The following CAPN10 variants were observed in gnomAD, a reference collection of about 807,000 sequenced individuals.
The protein encoded by CAPN10 is calpain 10.
A neutral mutation model predicts 78.4 loss-of-function variants in CAPN10; 71 were observed. That is an observed-to-expected ratio of 0.91 (90% CI 0.75 to 1.10). CAPN10 has a LOEUF of 1.10. Ranked by LOEUF, CAPN10 falls within the 50% of genes least tolerant of loss-of-function variation. The pLI, the probability that CAPN10 is intolerant of heterozygous loss-of-function variation, is 0.00. For missense variants in CAPN10, 849 were observed against 924.6 expected, an observed-to-expected ratio of 0.92 and a Z score of 1.06; for synonymous variants, 437 against 407.2, an observed-to-expected ratio of 1.07 and a Z score of -0.88.
chr2:240,590,707 G>A (rs960614352), intron 2 of CAPN10, 108 bp from the exon 3 acceptor site: 2 of 933,986 alleles, frequency 2.1e-6, no homozygotes, highest in Non-Finnish European at 3.3e-6. Flanking sequence ...TGCAGACCGC[G>A]GTGCCTGTGG....
chr2:240,594,328 C>T, intron 5 of CAPN10: 1 of 634,590 alleles, frequency 1.6e-6, no homozygotes. Flanking sequence ...TGAAGTTCCT[C>T]TGGGAAAAGA....
intron 7 of CAPN10, chr2:240,595,915 A>ATCT: frequency 7.6e-7 from 1 of 1,323,386 alleles, no homozygotes; most frequent in Non-Finnish European, 1.0e-6. Flanking sequence ...CTGGGTTTTC[A>ATCT]TCTTGTGTGT....
intron 2 of CAPN10, chr2:240,590,548 C>G: frequency 2.6e-6 from 1 of 384,312 alleles, no homozygotes; most frequent in Non-Finnish European, 4.8e-6. Context: ...TGTGCAGGCG[C>G]CGACATCCAG....
Position 240,595,194 on chromosome 2 carries a change from G to A in CAPN10, c.1168G>A (p.Ala390Thr), listed in dbSNP as rs1224521966. 6.2e-7 allele frequency: 1 copy of A among 1,613,796 alleles called. No individual in the cohort carries two copies. Among genetic ancestry groups the A allele is most frequent in the Admixed American group, 1.7e-5 (1 of 60,022 alleles). The change falls in exon 7 of 12, where the codon GCG becomes ACG. Residue 390 changes from alanine to threonine, a missense_variant. Transcript: ENST00000391984. ...AVLQRSRLHA[A>T]DWAGRARALV... ...CCTGCAGAGATCCAGGCTGCACGCG[G>A]CGGACTGGGCAGGCCGGGCCCGGGC...
At position 240,596,730 on chromosome 2, in the gene CAPN10, G is replaced by A. The variant is rs200361959; in HGVS notation, c.1531G>A (p.Ala511Thr). Residue 511 changes from alanine to threonine, a missense_variant, in exon 9 of 12, where the codon GCG becomes ACG. Transcript: ENST00000391984. ...CACCACCCCCGGGGCAGCCCTGCCT[G>A]CGGGGGAGTGGGGGACCGTGCAGCT... Reference protein sequence around the residue: ...KNTTPGAALPAGEWGTVQLRG... With the variant: ...KNTTPGAALPTGEWGTVQLRG... 1.8e-4 allele frequency: 290 copies of A among 1,590,242 alleles called. 2 individuals carry two copies. The highest frequency in any genetic ancestry group is 3.4e-4 in the Middle Eastern group (2 of 5,964).
At position 240,595,899 on chromosome 2, in the gene CAPN10, CAG is replaced by C. The variant is rs559911772; in HGVS notation, c.1279-419_1279-418del. 1.3e-4 allele frequency: 170 copies of C among 1,309,654 alleles called. No individual in the cohort carries two copies. In the East Asian group the frequency reaches 7.5e-3, roughly 58 times the overall value. 81.1% of individuals were successfully genotyped at this position (1,309,654 alleles called of 1,614,324 possible). A position where few individuals can be genotyped will look rare whatever the true frequency, so the allele number is the denominator to read the frequency against. Reference sequence around the variant, plus strand: ...GTCGAGGATATGCCGGCTGCTCGCTCAGGGGCTGGGTTTTCATCTTGTGTGTC... The same window carrying C: ...GTCGAGGATATGCCGGCTGCTCGCTCGGGCTGGGTTTTCATCTTGTGTGTC... On this transcript the variant is annotated intron_variant, in intron 7 of 11. Coordinates refer to ENST00000391984, the MANE Select transcript of CAPN10 (RefSeq NM_023083.4).
Position 240,597,909 on chromosome 2 carries a change from C to G in CAPN10, c.1765C>G (p.Gln589Glu). The change falls in exon 10 of 12, where the codon CAG (glutamine) becomes GAG (glutamate). Residue 589 changes from glutamine to glutamate, a missense_variant. Transcript: ENST00000391984. ...IFQVPEGGRS[Q>E]DAPPLLLQEP... ...TCAGGTCCCAGAGGGTGGAAGGAGC[C>G]AGGACGCACCCCCACTGCTGCTGCA... 1 of 1,607,130 alleles carries G rather than the reference C, an allele frequency of 6.2e-7. No individual in the cohort carries two copies. Among genetic ancestry groups the G allele is most frequent in the Non-Finnish European group, 8.5e-7 (1 of 1,177,726 alleles).
At chr2:240,594,784 C>A (rs1345682720) in intron 6 of CAPN10, 75 bp downstream of exon 6, 3 of 1,205,530 alleles carry the variant, frequency 2.5e-6, no homozygotes, top group Non-Finnish European at 3.2e-6. Context: ...TGCCTGGGTT[C>A]CCCCTGCCCA....
rs1422984276 is a variant in CAPN10, at chr2:240,596,736, G to A, written c.1537G>A (p.Glu513Lys). The change falls in exon 9 of 12, where the codon GAG (glutamate) becomes AAG (lysine). Residue 513 changes from glutamate (E) to lysine (K), a missense_variant. Coordinates refer to ENST00000391984, the MANE Select transcript of CAPN10 (RefSeq NM_023083.4). Reference sequence around the variant, plus strand: ...CCCCGGGGCAGCCCTGCCTGCGGGGGAGTGGGGGACCGTGCAGCTACGGGG... The same window carrying A: ...CCCCGGGGCAGCCCTGCCTGCGGGGAAGTGGGGGACCGTGCAGCTACGGGG... Reference protein sequence around the residue: ...TTPGAALPAGEWGTVQLRGSW... With the variant: ...TTPGAALPAGKWGTVQLRGSW... The A allele has an allele frequency of 1.3e-6, 2 of 1,595,228 alleles. No homozygotes were observed. Among genetic ancestry groups the A allele is most frequent in the African/African-American group, 1.3e-5 (1 of 74,782 alleles).
At position 240,595,158 on chromosome 2, in the gene CAPN10, T is replaced by C; in HGVS notation, c.1132T>C (p.Tyr378His). The change falls in exon 7 of 12, where the codon TAC becomes CAC. Residue 378 changes from tyrosine (Y) to histidine (H), a missense_variant. By Grantham distance (83) the Tyr-to-His change is moderately conservative. Transcript: ENST00000391984. ...WLRVSEPSEV[Y>H]IAVLQRSRLH... ...GCGGGTCTCAGAACCGAGTGAGGTG[T>C]ACATTGCCGTCCTGCAGAGATCCAG... 6.2e-7 allele frequency: 1 copy of C among 1,613,752 alleles called. No individual in the cohort carries two copies. The highest frequency in any genetic ancestry group is 8.5e-7 in the Non-Finnish European group (1 of 1,179,980).
In CAPN10 at chr2:240,594,675, C is replaced by T. The variant is rs17846974; in HGVS notation, c.963C>T (p.Val321=). ...EFDELTVGYP[V]TEAGHLQSLY... is the part of the protein sequence containing the mutation. Reference sequence around the variant, plus strand: ...ACGAGCTCACCGTTGGCTACCCGGTCACGGAGGCCGGCCACCTGCAGAGCC... The same window carrying T: ...ACGAGCTCACCGTTGGCTACCCGGTTACGGAGGCCGGCCACCTGCAGAGCC... Residue 321 remains valine (V), a synonymous_variant, in exon 6 of 12, where the codon GTC becomes GTT. Coordinates refer to ENST00000391984, the MANE Select transcript of CAPN10 (RefSeq NM_023083.4). 2,173 of 1,613,178 alleles carry T rather than the reference C, an allele frequency of 1.3e-3. 18 individuals carry two copies. The East Asian group carries it at 0.031, about 23-fold the overall frequency.
rs369756768 is a variant in CAPN10 at position 240,597,908 on chromosome 2, C to G, written c.1764C>G (p.Ser588Arg). 6.2e-7 allele frequency: 1 copy of G among 1,606,300 alleles called. No individual in the cohort carries two copies. Among genetic ancestry groups the G allele is most frequent in the Non-Finnish European group, 8.5e-7 (1 of 1,177,396 alleles). ...HIFQVPEGGR[S>R]QDAPPLLLQE... ...CTCAGGTCCCAGAGGGTGGAAGGAG[C>G]CAGGACGCACCCCCACTGCTGCTGC... Residue 588 changes from serine (S) to arginine (R), a missense_variant, in exon 10 of 12, where the codon AGC becomes AGG. Coordinates refer to ENST00000391984, the MANE Select transcript of CAPN10 (RefSeq NM_023083.4).
chr2:240,598,512 T>C, intron 11 of CAPN10, 115 bp downstream of exon 11: 5 of 1,460,842 alleles, frequency 3.4e-6, no homozygotes, highest in Non-Finnish European at 4.7e-6. Context: ...TGCCCTTGAC[T>C]CTTCCTGTGA....
chr2:240,586,942 A>C lies in CAPN10; in HGVS notation c.31A>C (p.Arg11=). The C allele has an allele frequency of 6.8e-7, 1 of 1,460,832 alleles. No individual in the cohort carries two copies. 90.5% of individuals were successfully genotyped at this position (1,460,832 alleles called of 1,614,324 possible). A position where few individuals can be genotyped will look rare whatever the true frequency, so the allele number is the denominator to read the frequency against. The change falls in exon 1 of 12, where the codon AGG becomes CGG. Residue 11 remains arginine, a synonymous_variant. Coordinates refer to ENST00000391984, the MANE Select transcript of CAPN10 (RefSeq NM_023083.4). MRAGRGATPA[R]ELFRDAAFPA... ...GGCGGGCCGGGGCGCGACGCCGGCG[A>C]GGGAGCTGTTCCGGGACGCCGCCTT... is the stretch of plus-strand genomic sequence containing the variant.
At chr2:240,588,780 G>C (rs1418948823) in intron 1 of CAPN10, among the ~76,000 whole-genome samples, 1 of 152,072 alleles carries the variant, frequency 6.6e-6, no homozygotes, top group Non-Finnish European at 1.5e-5. Context: ...ATGTCTTAAA[G>C]AACATGGGGG....
At chr2:240,593,544 T>G (rs1369655300) in intron 4 of CAPN10, among the ~76,000 whole-genome samples, 4 of 152,222 alleles carry the variant, frequency 2.6e-5, no homozygotes, top group African/African-American at 9.6e-5. Context: ...TCTCTAGATT[T>G]CTGGCAGTTG....
chr2:240,596,698 C>G lies in CAPN10; in HGVS notation c.1499C>G (p.Ala500Gly), dbSNP rs945698867. Residue 500 changes from alanine to glycine, a missense_variant, in exon 9 of 12, where the codon GCC becomes GGC. Coordinates refer to ENST00000391984, the MANE Select transcript of CAPN10 (RefSeq NM_023083.4). ...CTTGGCAGCGCCATCAGGGCAGTGG[C>G]CAAGAACACCACCCCCGGGGCAGCC... ...RVSLSAIRAV[A>G]KNTTPGAALP... is the part of the protein sequence containing the mutation. The G allele has an allele frequency of 3.9e-6, 6 of 1,558,030 alleles. No individual in the cohort carries two copies. The highest frequency in any genetic ancestry group is 3.7e-5 in the Admixed American group (2 of 54,288).
intron 6 of CAPN10, 52 bp downstream of exon 6, chr2:240,594,761 G>A (rs772116184): frequency 6.4e-7 from 1 of 1,559,588 alleles, no homozygotes; most frequent in Non-Finnish European, 8.7e-7. Context: ...CCGAAGTGAG[G>A]AGGCTGGGCA....
Position 240,598,684 on chromosome 2 carries a change from G to C in CAPN10, c.*4G>C. ...CATGGCAGTGATGAAAACCTAACAG[G>C]GTGGCCCCCTGTGCCAGCTCAGGTG... On this transcript the variant is annotated 3_prime_UTR_variant, in exon 12 of 12. Transcript: ENST00000391984. 1 of 1,574,380 alleles carries C rather than the reference G, an allele frequency of 6.4e-7. No homozygotes were observed. Among genetic ancestry groups the C allele is most frequent in the Non-Finnish European group, 8.6e-7 (1 of 1,160,346 alleles).
Sources: allele counts gnomAD v4.1 joint callset (sites outside exome capture counted in the v4.1 genomes callset), GRCh38; gene constraint gnomAD v4.1.1; transcripts MANE v1.5; gene names NCBI Gene and HGNC (gene_info 2026-07-23, HGNC 2026-07-21).